C5orf63: variants seen among roughly 807,000 people sequenced by gnomAD.
C5orf63 encodes glutaredoxin-like protein C5orf63.
C5orf63 carries 18 observed loss-of-function variants against 13.3 expected under a neutral mutation model. That is an observed-to-expected ratio of 1.36 (90% confidence interval 0.94 to 2.01). The LOEUF (loss-of-function observed/expected upper bound fraction) is 2.01. C5orf63 is among the 30% of genes most tolerant of loss of function. C5orf63 has a pLI of 0.00. For synonymous variants in C5orf63, 38 were observed against 44.7 expected (o/e 0.85, Z 0.60); for missense variants, 118 against 127.7 (o/e 0.92, Z 0.36).
At chr5:127,063,308 C>A (rs773025894) in intron 2 of C5orf63, among the ~76,000 whole-genome samples, 2 of 152,210 alleles carry the variant, frequency 1.3e-5, no homozygotes, top group Non-Finnish European at 2.9e-5. Context: ...GACTAAAGGG[C>A]ACACCATTAA....
chr5:127,043,138 G>A (rs1753443096), downstream of C5orf63: 1 of 152,182 alleles, frequency 6.6e-6, no homozygotes, highest in Non-Finnish European at 1.5e-5. Flanking sequence ...TATTTTTCAT[G>A]TAGTCACATA....
chr5:127,062,615 A>T (rs767251648), intron 2 of C5orf63, among the ~76,000 whole-genome samples: 1 of 152,192 alleles, frequency 6.6e-6, no homozygotes, highest in Non-Finnish European at 1.5e-5. Context: ...GGAACTCTAT[A>T]ATATTCTTCT....
intron 3 of C5orf63, among the ~76,000 whole-genome samples, chr5:127,053,346 C>T (rs192158592): frequency 3.2e-3 from 482 of 151,632 alleles, no homozygotes; most frequent in Admixed American, 4.3e-3. Context: ...TACTATGGAT[C>T]GTCGGCAGAT....
downstream of C5orf63, chr5:127,044,807 G>T (rs1753486727): frequency 6.7e-6 from 1 of 149,632 alleles, no homozygotes; most frequent in South Asian, 2.1e-4. Flanking sequence ...GGAGAACGGG[G>T]TCTTGCTATA....
At chr5:127,057,273 T>G (rs1290112853) in intron 3 of C5orf63, among the ~76,000 whole-genome samples, 1 of 152,206 alleles carries the variant, frequency 6.6e-6, no homozygotes, top group Non-Finnish European at 1.5e-5. Context: ...ATTAAATAAC[T>G]GTCATATATA....
chr5:127,048,803 G>C (rs775704236), downstream of C5orf63, among the ~76,000 whole-genome samples: 1 of 152,132 alleles, frequency 6.6e-6, no homozygotes, highest in Non-Finnish European at 1.5e-5. Context: ...GAGAACAAAC[G>C]TCTCTAGGCT....
downstream of C5orf63, chr5:127,046,866 TA>T (rs1753531713): frequency 2.0e-5 from 3 of 152,474 alleles, no homozygotes; most frequent in South Asian, 6.2e-4. Context: ...ATAGTGTGTG[TA>T]AGCAGGGGAG....
intron 3 of C5orf63, among the ~76,000 whole-genome samples, chr5:127,054,496 G>A (rs1753801789): frequency 6.6e-6 from 1 of 152,192 alleles, no homozygotes; most frequent in Non-Finnish European, 1.5e-5. Flanking sequence ...GTGATGATGA[G>A]CATTTTTTCA....
At chr5:127,055,003 C>A (rs1753822922) in intron 3 of C5orf63, among the ~76,000 whole-genome samples, 1 of 152,160 alleles carries the variant, frequency 6.6e-6, no homozygotes, top group Non-Finnish European at 1.5e-5. Context: ...AATCCTTTCC[C>A]CATTGCTTGT....
At chr5:127,055,401 G>C (rs930556481) in intron 3 of C5orf63, among the ~76,000 whole-genome samples, 2 of 152,166 alleles carry the variant, frequency 1.3e-5, no homozygotes, top group Non-Finnish European at 2.9e-5. Context: ...TGACTGAACA[G>C]GGACCTGCTA....
chr5:127,061,164 A>G (rs1210462403), intron 2 of C5orf63, among the ~76,000 whole-genome samples: 2 of 152,180 alleles, frequency 1.3e-5, no homozygotes, highest in Non-Finnish European at 2.9e-5. Context: ...GGGTTGGGGT[A>G]CTGCAACTGG....
intron 2 of C5orf63, among the ~76,000 whole-genome samples, chr5:127,070,470 G>T (rs2126904097): frequency 6.6e-6 from 1 of 152,310 alleles, no homozygotes; most frequent in Non-Finnish European, 1.5e-5. Flanking sequence ...GGCAACAGAA[G>T]GCAGCAGCAT....
chr5:127,059,653 G>A (rs936196641), intron 2 of C5orf63, among the ~76,000 whole-genome samples: 5 of 151,716 alleles, frequency 3.3e-5, no homozygotes, highest in African/African-American at 1.2e-4. Flanking sequence ...ACCTGAGCCT[G>A]GGAAGTTGGG....
At chr5:127,065,958 C>T (rs189708291) in intron 2 of C5orf63, among the ~76,000 whole-genome samples, 49 of 152,218 alleles carry the variant, frequency 3.2e-4, no homozygotes, top group African/African-American at 1.2e-3. Flanking sequence ...TCTTTAATGT[C>T]AGGCCACTTG....
intron 2 of C5orf63, among the ~76,000 whole-genome samples, chr5:127,061,985 T>C (rs896671735): frequency 6.6e-6 from 1 of 152,194 alleles, no homozygotes; most frequent in Non-Finnish European, 1.5e-5. Flanking sequence ...GGTGAAGGGA[T>C]TTAAGATTTA....
chr5:127,063,026 A>C (rs1754167288), intron 2 of C5orf63, among the ~76,000 whole-genome samples: 1 of 152,108 alleles, frequency 6.6e-6, no homozygotes, highest in South Asian at 2.1e-4. Context: ...AAAAGCAAAA[A>C]ACATAAGATT....
chr5:127,067,435 A>G (rs1167057099), intron 2 of C5orf63, among the ~76,000 whole-genome samples: 2 of 152,194 alleles, frequency 1.3e-5, no homozygotes, highest in Non-Finnish European at 2.9e-5. Context: ...GAAATAACTG[A>G]AAGTTTTCTC....
intron 1 of C5orf63, among the ~76,000 whole-genome samples, chr5:127,072,447 G>C (rs1179682275): frequency 6.6e-6 from 1 of 152,138 alleles, no homozygotes; most frequent in Non-Finnish European, 1.5e-5. Context: ...AGAAGACTGC[G>C]ACCTCTAATA....
intron 1 of C5orf63, 124 bp from the exon 2 acceptor site, chr5:127,071,809 T>G (rs1361929310): frequency 6.6e-6 from 1 of 152,148 alleles, no homozygotes; most frequent in Admixed American, 6.5e-5. Flanking sequence ...TTAGAGTAAC[T>G]GAATACATCA....
Sources: allele counts gnomAD v4.1 joint callset (sites outside exome capture counted in the v4.1 genomes callset), GRCh38; gene constraint gnomAD v4.1.1; transcripts MANE v1.5; gene names NCBI Gene and HGNC (gene_info 2026-07-23, HGNC 2026-07-21).